KCTD1: variants seen among roughly 807,000 people sequenced by gnomAD.
The protein encoded by KCTD1 is BTB/POZ domain-containing protein KCTD1.
In KCTD1, 24 loss-of-function variants were observed where a neutral mutation model predicts 66.0. That is an observed-to-expected ratio of 0.36 (90% confidence interval 0.26 to 0.51). The LOEUF (loss-of-function observed/expected upper bound fraction) is 0.51, where lower values mean the gene tolerates loss of function less well. KCTD1 is among the 20% of genes least tolerant of loss of function. The pLI is 0.95. For synonymous variants in KCTD1, 511 were observed against 517.2 expected (o/e 0.99, Z 0.16); for missense variants, 943 against 1,205.2 (o/e 0.78, Z 3.22).
chr18:26,606,402 T>C (rs935549206), intron 1 of KCTD1, among the ~76,000 whole-genome samples: 4 of 152,174 alleles, frequency 2.6e-5, no homozygotes, highest in East Asian at 1.9e-4. Flanking sequence ...TTGGGGGGCC[T>C]TAGAATTTTA....
At chr18:26,546,252 G>A (rs1472753153) in intron 1 of KCTD1, among the ~76,000 whole-genome samples, 1 of 150,540 alleles carries the variant, frequency 6.6e-6, no homozygotes, top group African/African-American at 2.4e-5. Context: ...GCTACAGGAA[G>A]TGGGATTGGC....
At chr18:26,655,167 A>G (rs1372429719) in intron 1 of KCTD1, among the ~76,000 whole-genome samples, 1 of 152,236 alleles carries the variant, frequency 6.6e-6, no homozygotes, top group Admixed American at 6.5e-5. Context: ...CATTAAAAAC[A>G]CATTTGAGAT....
intron 1 of KCTD1, among the ~76,000 whole-genome samples, chr18:26,624,317 A>G (rs1013416115): frequency 6.6e-6 from 1 of 152,228 alleles, no homozygotes; most frequent in Non-Finnish European, 1.5e-5. Flanking sequence ...TCCCCAGGGC[A>G]TATCAGAGAA....
upstream of KCTD1, chr18:26,629,370 T>G (rs1054904518): frequency 1.1e-5 from 2 of 179,738 alleles, no homozygotes; most frequent in Admixed American, 6.5e-5. Flanking sequence ...TAATATTGAT[T>G]GAATGCAATA....
chr18:26,584,266 A>G (rs568688349), intron 1 of KCTD1, among the ~76,000 whole-genome samples: 1 of 152,326 alleles, frequency 6.6e-6, no homozygotes, highest in South Asian at 2.1e-4. Context: ...ACAAATTGAG[A>G]TGTGCTGCAC....
intron 1 of KCTD1, among the ~76,000 whole-genome samples, chr18:26,627,614 A>C (rs1344291865): frequency 6.6e-6 from 1 of 152,228 alleles, no homozygotes; most frequent in Non-Finnish European, 1.5e-5. Flanking sequence ...TAATGAAGCT[A>C]TGTATCTTTG....
intron 1 of KCTD1, chr18:26,566,358 T>TG (rs1985980303): frequency 6.6e-6 from 1 of 152,388 alleles, no homozygotes; most frequent in Non-Finnish European, 1.5e-5. Context: ...CTGCCCTGTG[T>TG]TTTCCCTGGC....
intron 1 of KCTD1, among the ~76,000 whole-genome samples, chr18:26,586,357 T>C (rs960627943): frequency 6.6e-6 from 1 of 152,206 alleles, no homozygotes. Flanking sequence ...GACAGTGAAC[T>C]TAATCAATAA....
intron 1 of KCTD1, among the ~76,000 whole-genome samples, chr18:26,605,331 C>T (rs867827678): frequency 2.0e-5 from 3 of 152,156 alleles, no homozygotes; most frequent in Non-Finnish European, 4.4e-5. Flanking sequence ...AATTTTGCCC[C>T]AATTTTTCCC....
At chr18:26,462,704 G>C (rs1980501540) in intron 3 of KCTD1, among the ~76,000 whole-genome samples, 1 of 152,182 alleles carries the variant, frequency 6.6e-6, no homozygotes, top group Non-Finnish European at 1.5e-5. Flanking sequence ...TAGCTCATCA[G>C]AAATGAACCT....
chr18:26,490,690 G>A (rs1982148457), intron 2 of KCTD1, among the ~76,000 whole-genome samples: 1 of 152,062 alleles, frequency 6.6e-6, no homozygotes, highest in Admixed American at 6.5e-5. Context: ...TGTTTGCTCT[G>A]TGCCAGGCAC....
At position 26,547,082 on chromosome 18, in the gene KCTD1, G is replaced by T; in HGVS notation, c.1455C>A (p.Asn485Lys). 1.3e-6 allele frequency: 2 copies of T among 1,541,986 alleles called. No homozygotes were observed. Among genetic ancestry groups the T allele is most frequent in the Non-Finnish European group, 1.7e-6 (2 of 1,144,804 alleles). ...APQGCYAEAL[N>K]GAARHHSHHP... ...GGTGGGAGTGGTGCCGTGCCGCCCC[G>T]TTCAGAGCCTCGGCGTAGCAGCCCT... Residue 485 changes from asparagine (N) to lysine (K), a missense_variant, in exon 1 of 5, where the codon AAC (asparagine) becomes AAA (lysine). Physicochemically the swap from Asn to Lys is moderately conservative, Grantham distance 94. Coordinates refer to ENST00000580059, the MANE Select transcript of KCTD1 (RefSeq NM_001142730.3).
chr18:26,539,041 C>T (rs1984848425), intron 1 of KCTD1, among the ~76,000 whole-genome samples: 1 of 152,222 alleles, frequency 6.6e-6, no homozygotes, highest in Admixed American at 6.5e-5. Flanking sequence ...TTCCAGAAAG[C>T]ATCACAGGTA....
At chr18:26,609,526 C>T (rs1479610252) in intron 1 of KCTD1, among the ~76,000 whole-genome samples, 1 of 152,196 alleles carries the variant, frequency 6.6e-6, no homozygotes, top group African/African-American at 2.4e-5. Flanking sequence ...AGATGACTTG[C>T]TGTAAAGTTC....
intron 1 of KCTD1, among the ~76,000 whole-genome samples, chr18:26,541,859 C>T (rs942287549): frequency 3.3e-5 from 5 of 152,146 alleles, no homozygotes; most frequent in Non-Finnish European, 5.9e-5. Context: ...GTCATAAAGA[C>T]TCAAAACCAT....
intron 2 of KCTD1, among the ~76,000 whole-genome samples, chr18:26,483,951 C>A (rs565737243): frequency 7.9e-5 from 12 of 152,198 alleles, no homozygotes; most frequent in Non-Finnish European, 1.5e-4. Context: ...ATATATGAAA[C>A]CTTTAGAAAA....
At chr18:26,564,207 T>C (rs1985929610) in intron 1 of KCTD1, among the ~76,000 whole-genome samples, 1 of 152,182 alleles carries the variant, frequency 6.6e-6, no homozygotes, top group African/African-American at 2.4e-5. Context: ...AGACTGAGCA[T>C]GGACTTGGAG....
intron 1 of KCTD1, among the ~76,000 whole-genome samples, chr18:26,639,214 G>A (rs1226041346): frequency 2.0e-5 from 3 of 152,206 alleles, no homozygotes; most frequent in Non-Finnish European, 4.4e-5. Flanking sequence ...GAGAATCTCT[G>A]CGAAGTAAGG....
upstream of KCTD1, among the ~76,000 whole-genome samples, chr18:26,629,894 T>C (rs539357258): frequency 6.6e-6 from 1 of 152,158 alleles, no homozygotes; most frequent in African/African-American, 2.4e-5. Flanking sequence ...ATTTTTGTAT[T>C]ATTAGTAGAG....
Sources: gnomAD v4.1 joint callset for allele counts (sites outside exome capture counted in the v4.1 genomes callset) on GRCh38, gnomAD v4.1.1 for gene constraint, MANE v1.5 for transcripts, NCBI Gene and HGNC (gene_info 2026-07-23, HGNC 2026-07-21) for gene names.